PLIN2: variants seen among roughly 807,000 people sequenced by gnomAD.
The protein encoded by PLIN2 is perilipin-2.
A neutral mutation model predicts 30.6 loss-of-function variants in PLIN2; 33 were observed. The observed-to-expected ratio is 1.08, with a 90% CI of 0.82 to 1.44. The LOEUF (loss-of-function observed/expected upper bound fraction) is 1.44. Among genes scored for constraint, PLIN2 ranks in the 40% most tolerant of loss-of-function variants. The probability of loss-of-function intolerance (pLI) is 0.00; values close to 1 mark genes in which losing one functional copy is unlikely to be tolerated. For missense variants in PLIN2, 610 were observed against 531.8 expected, an observed-to-expected ratio of 1.15 and a Z score of -1.45; for synonymous variants, 205 against 201.1, an observed-to-expected ratio of 1.02 and a Z score of -0.16.
chr9:19,123,737 T>A (rs1452776459), intron 3 of PLIN2, 90 bp from the exon 4 acceptor site: 10 of 1,173,618 alleles, frequency 8.5e-6, no homozygotes, highest in Non-Finnish European at 1.2e-5. Context: ...ATGGCAATAA[T>A]GGGCTGGGCA....
At chr9:19,119,893 G>A (rs1230847513) in intron 5 of PLIN2, 62 bp from the exon 6 acceptor site, 9 of 1,093,610 alleles carry the variant, frequency 8.2e-6, no homozygotes, top group Non-Finnish European at 9.3e-6. Flanking sequence ...GATAAGGCCT[G>A]GACTCTAACC....
chr9:19,109,700 G>T (rs552199418), intron 2 of PLIN2, among the ~76,000 whole-genome samples: 2 of 152,184 alleles, frequency 1.3e-5, no homozygotes, highest in South Asian at 4.2e-4. Context: ...AGGTGCGGTG[G>T]CTCACGCCTG....
At chr9:19,109,307 C>G (rs1369797790) in intron 2 of PLIN2, among the ~76,000 whole-genome samples, 1 of 151,984 alleles carries the variant, frequency 6.6e-6, no homozygotes, top group Non-Finnish European at 1.5e-5. Flanking sequence ...GTAATCCCAG[C>G]CCTTTGGGAG....
downstream of PLIN2, among the ~76,000 whole-genome samples, chr9:19,114,519 C>A (rs561094402): frequency 1.3e-5 from 2 of 152,138 alleles, no homozygotes; most frequent in South Asian, 4.1e-4. Context: ...ATTCTCCTTG[C>A]CCAGCCTCCA....
chr9:19,122,737 C>T (rs993785420), intron 4 of PLIN2, among the ~76,000 whole-genome samples: 2 of 152,104 alleles, frequency 1.3e-5, no homozygotes, highest in Admixed American at 1.3e-4. Context: ...TCATAGGAGA[C>T]CTAACCCTAA....
chr9:19,121,186 C>G (rs1021374209), intron 4 of PLIN2, 21 bp from the exon 5 acceptor site: 11 of 1,610,236 alleles, frequency 6.8e-6, no homozygotes, highest in African/African-American at 6.7e-5. Context: ...AAAAGCAGAT[C>G]CCCTGGCTGG....
At chr9:19,119,369 G>A (rs772758222) in intron 6 of PLIN2, among the ~76,000 whole-genome samples, 7 of 152,192 alleles carry the variant, frequency 4.6e-5, no homozygotes, top group Admixed American at 2.0e-4. Flanking sequence ...GCACAAGTGT[G>A]GTTCTTTCTC....
At chr9:19,115,456 C>T (rs1404932566), downstream of PLIN2, among the ~76,000 whole-genome samples, 3 of 151,914 alleles carry the variant, frequency 2.0e-5, no homozygotes, top group Non-Finnish European at 2.9e-5. Context: ...TACAGGCACC[C>T]GCCACCGTGC....
downstream of PLIN2, among the ~76,000 whole-genome samples, chr9:19,112,253 C>G (rs1818168432): frequency 6.6e-6 from 1 of 152,186 alleles, no homozygotes; most frequent in African/African-American, 2.4e-5. Context: ...CTGAGGCACA[C>G]CATGCCAGGT....
rs770850138 is a variant in PLIN2 at position 19,126,232 on chromosome 9, T to C, written c.108A>G (p.Thr36=). The C allele has an allele frequency of 6.2e-7, 1 of 1,614,028 alleles. No homozygotes were observed. The change falls in exon 3 of 8, where the codon ACA becomes ACG. Residue 36 remains threonine, a synonymous_variant. Transcript: ENST00000276914. ...ACTTCAGGTAGGGATACTGGTCCTT[T>C]GTACTGAGATAGGCTGAGGACATGA... ...YDLMSSAYLS[T]KDQYPYLKSV...
At chr9:19,117,658 C>T (rs1207285081) in intron 7 of PLIN2, among the ~76,000 whole-genome samples, 3 of 151,378 alleles carry the variant, frequency 2.0e-5, no homozygotes, top group East Asian at 1.9e-4. Flanking sequence ...TACTCTGTTG[C>T]CCAGGCTGGA....
intron 2 of PLIN2, among the ~76,000 whole-genome samples, chr9:19,109,540 G>GAA (rs34665873): frequency 0.04 from 5,130 of 127,356 alleles, 160 homozygotes; most frequent in Non-Finnish European, 0.056. Context: ...GACTCTGTCT[G>GAA]AAAAAAAAAA....
rs796173530 is a variant in PLIN2, at chr9:19,127,137, T to A, written c.-23+282A>T. Among the ~76,000 whole-genome samples the A allele has an allele frequency of 2.2e-4, 34 of 152,270 alleles. No homozygotes were observed. Among genetic ancestry groups the A allele is most frequent in the African/African-American group, 7.9e-4 (33 of 41,556 alleles). ...ACCACCCAAGCAGGCCAAGGGACAT[T>A]CGATAGCAATCGCCCTAAATCTGTT... On this transcript the variant is annotated intron_variant, in intron 1 of 7. Coordinates refer to ENST00000276914, the MANE Select transcript of PLIN2 (RefSeq NM_001122.4). This position sits in a 1 kb window ranked among gnomAD's most constrained non-coding sequence, Gnocchi z 4.3.
downstream of PLIN2, among the ~76,000 whole-genome samples, chr9:19,111,139 C>A (rs1386337801): frequency 6.6e-6 from 1 of 151,988 alleles, no homozygotes; most frequent in Non-Finnish European, 1.5e-5. Flanking sequence ...CTCACTGCAA[C>A]CTTCGCCTCC....
At chr9:19,111,189 C>T (rs111791351), downstream of PLIN2, among the ~76,000 whole-genome samples, 17,984 of 152,052 alleles carry the variant, frequency 0.12, 1,268 homozygotes, top group Non-Finnish European at 0.15. Context: ...GCTTGAATTA[C>T]AGGAGCGAGC....
intron 3 of PLIN2, 107 bp downstream of exon 3, chr9:19,126,007 G>C: frequency 1.2e-6 from 1 of 818,378 alleles, no homozygotes; most frequent in Non-Finnish European, 2.0e-6. Context: ...GGTAAAGGCA[G>C]TGTATGCCCC....
At chr9:19,126,516 C>A in intron 1 of PLIN2, 68 bp from the exon 2 acceptor site, 1 of 1,014,076 alleles carries the variant, frequency 9.9e-7, no homozygotes, top group Non-Finnish European at 1.5e-6. Flanking sequence ...CCAACCCAAG[C>A]AAATGCTGAT....
chr9:19,116,524 C>T lies in PLIN2; in HGVS notation c.1038G>A (p.Met346Ile), dbSNP rs1401660709. ...AGTAGATGTCGCCTGCCATCACCCC[C>T]ATGTGCTTGGCTTGATCTTGGATGT... Reference protein sequence around the residue: ...PQNIQDQAKHMGVMAGDIYSV... With the variant: ...PQNIQDQAKHIGVMAGDIYSV... The change falls in exon 8 of 8, where the codon ATG (methionine) becomes ATA (isoleucine). Residue 346 changes from methionine (M) to isoleucine (I), a missense_variant. By Grantham distance (10) the Met-to-Ile change is conservative. Transcript: ENST00000276914. 1 of 1,614,148 alleles carries T rather than the reference C, an allele frequency of 6.2e-7. No homozygotes were observed. The highest frequency in any genetic ancestry group is 1.7e-5 in the Admixed American group (1 of 60,016).
chr9:19,116,034 G>A lies in PLIN2; in HGVS notation c.*214C>T, dbSNP rs1818215883. ...TTTCTGAGTTCTGGCTATAGGCTCTGACAAGCCTATCATTCTTTTCTTACC... is the reference window on the plus strand; with the variant it reads ...TTTCTGAGTTCTGGCTATAGGCTCTAACAAGCCTATCATTCTTTTCTTACC... On this transcript the variant is annotated 3_prime_UTR_variant, in exon 8 of 8. Transcript: ENST00000276914. The A allele has an allele frequency of 4.3e-6, 2 of 464,516 alleles. No individual in the cohort carries two copies. The highest frequency in any genetic ancestry group is 5.6e-4 in the Middle Eastern group (1 of 1,792). The allele number at this position is 464,516 out of a possible 1,614,324, so 28.8% of individuals were successfully genotyped here.
Sources: allele counts gnomAD v4.1 joint callset (sites outside exome capture counted in the v4.1 genomes callset), GRCh38; gene constraint gnomAD v4.1.1; non-coding constraint Gnocchi (gnomAD v3.1); transcripts MANE v1.5; gene names NCBI Gene and HGNC (gene_info 2026-07-23, HGNC 2026-07-21).